Variants in PLA2G4B observed in about 807,000 individuals in gnomAD.
PLA2G4B encodes the protein cytosolic phospholipase A2 beta.
In PLA2G4B, 122 loss-of-function variants were observed where a neutral mutation model predicts 95.8. The ratio of observed to expected loss-of-function variants is 1.27; its 90% CI spans 1.10 to 1.48. PLA2G4B has a LOEUF of 1.48. Ranked by LOEUF, PLA2G4B falls within the 40% of genes most tolerant of loss-of-function variation. The probability of loss-of-function intolerance (pLI) is 0.00; values close to 1 mark genes in which losing one functional copy is unlikely to be tolerated. For missense variants in PLA2G4B, 1,158 were observed against 996.2 expected, an observed-to-expected ratio of 1.16 and a Z score of -2.19; for synonymous variants, 518 against 421.5, an observed-to-expected ratio of 1.23 and a Z score of -2.80.
At chr15:41,842,729 C>CAGGCTTCGTGCTCT in intron 10 of PLA2G4B, 138 bp downstream of exon 10, 2 of 1,339,408 alleles carry the variant, frequency 1.5e-6, no homozygotes, top group Middle Eastern at 2.6e-4. Flanking sequence ...GGCTTGCGCT[C>CAGGCTTCGTGCTCT]GAGGGGGCAC....
At chr15:41,846,489 C>T (rs2065549150) in intron 17 of PLA2G4B, 107 bp downstream of exon 17, 12 of 1,521,358 alleles carry the variant, frequency 7.9e-6, no homozygotes, top group Non-Finnish European at 1.1e-5. Flanking sequence ...GCTTGATTCC[C>T]TGGACTACTT....
At chr15:41,846,976 G>A in intron 18 of PLA2G4B, 141 bp downstream of exon 18, 5 of 1,219,760 alleles carry the variant, frequency 4.1e-6, no homozygotes, top group Non-Finnish European at 4.4e-6. Flanking sequence ...TGCCACCAGA[G>A]GAGCTCATTC....
rs758068157 is a variant in PLA2G4B at position 41,846,829 on chromosome 15, C to G, written c.1941C>G (p.Ala647=). 1 of 1,609,280 alleles carries G rather than the reference C, an allele frequency of 6.2e-7. No individual in the cohort carries two copies. Among genetic ancestry groups the G allele is most frequent in the Non-Finnish European group, 8.5e-7 (1 of 1,176,424 alleles). ...CATTGGACTACAACCTCCACGGAGC[C>G]TTCCAGGTTGGGAAGGGTGGGCAGC... ...ILSLDYNLHG[A]FQQLQLLGRF... is the part of the protein sequence containing the mutation. The change falls in exon 18 of 20, where the codon GCC becomes GCG. Residue 647 remains alanine (A), a synonymous_variant. Transcript: ENST00000458483.
intron 8 of PLA2G4B, 61 bp from the exon 9 acceptor site, chr15:41,842,127 TGGTGA>T: frequency 6.3e-7 from 1 of 1,597,482 alleles, no homozygotes; most frequent in Non-Finnish European, 8.6e-7. Context: ...GGCGGGAGTT[TGGTGA>T]GGTCTTTGCT....
rs760867979 is a variant in PLA2G4B, at chr15:41,842,282, G to A, written c.705+6G>A. 1.2e-6 allele frequency: 2 copies of A among 1,613,816 alleles called. No homozygotes were observed. The highest frequency in any genetic ancestry group is 1.7e-6 in the Non-Finnish European group (2 of 1,179,946). Reference sequence around the variant, plus strand: ...TTGTCTTCCCCACGTCCCAGGTACTGGCCTCCCAGGGAAGGAAGCAAGGCG... The same window carrying A: ...TTGTCTTCCCCACGTCCCAGGTACTAGCCTCCCAGGGAAGGAAGCAAGGCG... On this transcript the variant is annotated splice_donor_region_variant and intron_variant, in intron 9 of 19. Transcript: ENST00000458483.
At position 41,845,214 on chromosome 15, in the gene PLA2G4B, C is replaced by G. The variant is rs1421704290; in HGVS notation, c.1251C>G (p.His417Gln). The change falls in exon 14 of 20, where the codon CAC becomes CAG. Residue 417 changes from histidine to glutamine, a missense_variant. His to Gln is a conservative substitution (Grantham distance 24). Transcript: ENST00000458483. ...GCATCTTTCCCCAGCCCCATGATCACAAGCTCTCAGATCAACGGGAGGCCC... is the reference window on the plus strand; with the variant it reads ...GCATCTTTCCCCAGCCCCATGATCAGAAGCTCTCAGATCAACGGGAGGCCC... The part of the protein sequence containing the change: ...EALLHDEPHD[H>Q]KLSDQREALS... 3 of 1,614,080 alleles carry G rather than the reference C, an allele frequency of 1.9e-6. No homozygotes were observed. Among genetic ancestry groups the G allele is most frequent in the Non-Finnish European group, 2.5e-6 (3 of 1,180,028 alleles).
intron 7 of PLA2G4B, 120 bp downstream of exon 7, chr15:41,841,691 G>T (rs2065434545): frequency 6.4e-7 from 1 of 1,563,236 alleles, no homozygotes; most frequent in Non-Finnish European, 8.7e-7. Context: ...GGGGACTGTG[G>T]TGGGGGATCC....
At chr15:41,846,128 T>C (rs2065538253) in intron 16 of PLA2G4B, 75 bp from the exon 17 acceptor site, 1 of 1,583,342 alleles carries the variant, frequency 6.3e-7, no homozygotes, top group Admixed American at 1.7e-5. Flanking sequence ...TTCACACCTC[T>C]TCCCCCTCCA....
rs761381156 is a variant in PLA2G4B at position 41,845,260 on chromosome 15, C to G, written c.1297C>G (p.Leu433Val). The G allele has an allele frequency of 2.5e-6, 4 of 1,614,192 alleles. No individual in the cohort carries two copies. In the South Asian group the frequency reaches 4.4e-5, roughly 18 times the overall value. ...REALSHGQNP[L>V]PIYCALNTKG... ...GGCCCTGAGTCATGGCCAGAACCCTCTGCCCATCTACTGTGCCCTCAACAC... is the reference window on the plus strand; with the variant it reads ...GGCCCTGAGTCATGGCCAGAACCCTGTGCCCATCTACTGTGCCCTCAACAC... The change falls in exon 14 of 20, where the codon CTG (leucine) becomes GTG (valine). Residue 433 changes from leucine (L) to valine (V), a missense_variant. Physicochemically the swap from Leu to Val is conservative, Grantham distance 32. Coordinates refer to ENST00000458483, the MANE Select transcript of PLA2G4B (RefSeq NM_001114633.2).
rs778241122 is a variant in PLA2G4B, at chr15:41,841,807, T to C, written c.491-12T>C. On this transcript the variant is annotated splice_polypyrimidine_tract_variant and intron_variant, in intron 7 of 19. Coordinates refer to ENST00000458483, the MANE Select transcript of PLA2G4B (RefSeq NM_001114633.2). ...CCGTCCCCAGCCTCTCTGCTCTGGT[T>C]CCTGTTTCCAGCCTCAGAGCACAGA... is the stretch of plus-strand genomic sequence containing the variant. 2.1e-5 allele frequency: 34 copies of C among 1,612,768 alleles called. 1 individual carries two copies. The South Asian group carries it at 3.6e-4, about 17-fold the overall frequency.
rs933640684 is a variant in PLA2G4B, at chr15:41,846,886, C to A, written c.1947+51C>A. On this transcript the variant is annotated intron_variant, in intron 18 of 19. Transcript: ENST00000458483. ...GGGAGGCGGTGGGTGGCCCCTGTCC[C>A]CTGAAGAGAGGGGCTTTGGAGTCCA... is the stretch of plus-strand genomic sequence containing the variant. The A allele has an allele frequency of 1.9e-6, 3 of 1,545,156 alleles. No individual in the cohort carries two copies. The African/African-American group carries it at 4.1e-5, about 21-fold the overall frequency.
chr15:41,845,176 G>T lies in PLA2G4B; in HGVS notation c.1240-27G>T, dbSNP rs1007107359. ...GCCCTGGGCACCCAGGCCGCTGTGG[G>T]TTTAGGTTCTACGCATCTTTCCCCA... On this transcript the variant is annotated intron_variant, in intron 13 of 19. Coordinates refer to ENST00000458483, the MANE Select transcript of PLA2G4B (RefSeq NM_001114633.2). The T allele has an allele frequency of 6.2e-6, 10 of 1,613,848 alleles. No individual in the cohort carries two copies. The African/African-American group carries it at 1.3e-4, about 22-fold the overall frequency.
rs201707689 is a variant in PLA2G4B, at chr15:41,847,701, A to G, written c.2187A>G (p.Ser729=). ...EAAAGEVNLS[S]SDSPYHYTKV... ...CAGCTGGGGAGGTGAACCTGTCTTCATCGGACTCTCCCTACCACTACACGA... is the reference window on the plus strand; with the variant it reads ...CAGCTGGGGAGGTGAACCTGTCTTCGTCGGACTCTCCCTACCACTACACGA... Residue 729 remains serine (S), a synonymous_variant, in exon 20 of 20, where the codon TCA becomes TCG. Transcript: ENST00000458483. 6.2e-7 allele frequency: 1 copy of G among 1,613,646 alleles called. No individual in the cohort carries two copies. Among genetic ancestry groups the G allele is most frequent in the African/African-American group, 1.3e-5 (1 of 75,046 alleles).
rs1480743790 is a variant in PLA2G4B, at chr15:41,845,664, G to A, written c.1384G>A (p.Val462Ile). 2.5e-6 allele frequency: 4 copies of A among 1,614,152 alleles called. No homozygotes were observed. In the South Asian group the frequency reaches 3.3e-5, roughly 13 times the overall value. Residue 462 changes from valine (V) to isoleucine (I), a missense_variant, in exon 15 of 20, where the codon GTC becomes ATC. Coordinates refer to ENST00000458483, the MANE Select transcript of PLA2G4B (RefSeq NM_001114633.2). Reference protein sequence around the residue: ...GEWCEFSPYEVGFPKYGAFIP... With the variant: ...GEWCEFSPYEIGFPKYGAFIP... ...GTGGTGCGAGTTCTCTCCCTACGAG[G>A]TCGGCTTCCCCAAGTACGGGGCCTT... is the stretch of plus-strand genomic sequence containing the variant.
At position 41,847,234 on chromosome 15, in the gene PLA2G4B, G is replaced by A. The variant is rs143866206; in HGVS notation, c.1948-103G>A. The A allele has an allele frequency of 3.0e-4, 440 of 1,484,476 alleles. 1 individual carries two copies. In the African/African-American group the frequency reaches 5.3e-3, roughly 18 times the overall value. The allele number at this position is 1,484,476 out of a possible 1,614,324, so 92.0% of individuals were successfully genotyped here. Reference sequence around the variant, plus strand: ...GGCTTCATAGGCCCCACTGGAGACCGTTTTGGCATTTGAGCCCCAGGTCCT... The same window carrying A: ...GGCTTCATAGGCCCCACTGGAGACCATTTTGGCATTTGAGCCCCAGGTCCT... On this transcript the variant is annotated intron_variant, in intron 18 of 19. Transcript: ENST00000458483.
chr15:41,847,686 G>A lies in PLA2G4B; in HGVS notation c.2172G>A (p.Glu724=). The A allele has an allele frequency of 1.9e-6, 3 of 1,613,686 alleles. No homozygotes were observed. The highest frequency in any genetic ancestry group is 2.5e-6 in the Non-Finnish European group (3 of 1,180,046). Residue 724 remains glutamate (E), a synonymous_variant, in exon 20 of 20, where the codon GAG becomes GAA. Coordinates refer to ENST00000458483, the MANE Select transcript of PLA2G4B (RefSeq NM_001114633.2). ...RRTPEEAAAG[E]VNLSSSDSPY... The stretch of plus-strand genomic sequence containing the variant: ...CACCCGAGGAGGCGGCAGCTGGGGA[G>A]GTGAACCTGTCTTCATCGGACTCTC...
chr15:41,840,134 G>T, intron 1 of PLA2G4B, 24 bp from the exon 2 acceptor site: 2 of 1,611,618 alleles, frequency 1.2e-6, no homozygotes, highest in Non-Finnish European at 1.7e-6. Flanking sequence ...CCCGTAGCAG[G>T]TCTCCCCTCT....
intron 14 of PLA2G4B, 30 bp downstream of exon 14, chr15:41,845,350 C>G: frequency 6.2e-7 from 1 of 1,607,096 alleles, no homozygotes; most frequent in Non-Finnish European, 8.5e-7. Context: ...AGACCTGTGC[C>G]CTTGCAGTTG....
intron 4 of PLA2G4B, 64 bp from the exon 5 acceptor site, chr15:41,840,991 A>G: frequency 6.3e-7 from 1 of 1,575,480 alleles, no homozygotes; most frequent in Non-Finnish European, 8.6e-7. Context: ...CATGTCTCTC[A>G]TACTCACTGA....
Sources: gnomAD v4.1 joint callset for allele counts on GRCh38, gnomAD v4.1.1 for gene constraint, MANE v1.5 for transcripts, NCBI Gene and HGNC (gene_info 2026-07-23, HGNC 2026-07-21) for gene names.